C6orf52: variants seen among roughly 807,000 people sequenced by gnomAD.
C6orf52 encodes the protein chromosome 6 open reading frame 52, also known as putative uncharacterized protein C6orf52.
C6orf52 carries 16 observed loss-of-function variants against 16.6 expected under a neutral mutation model. That is an observed-to-expected ratio of 0.96 (90% confidence interval 0.65 to 1.46). The LOEUF is 1.46. Ranked by LOEUF, C6orf52 falls within the 40% of genes most tolerant of loss-of-function variation. The pLI is 0.00. For synonymous variants in C6orf52, 53 were observed against 61.4 expected (o/e 0.86, Z 0.64); for missense variants, 166 against 182.3 (o/e 0.91, Z 0.52).
At position 10,687,475 on chromosome 6, in the gene C6orf52, C is replaced by G; in HGVS notation, c.71+5G>C. ...TCCTTTTCAAAGTAGGAGAAAACCACTCACCTTTGCCAGTAGCAGTAATAG... is the reference window on the plus strand; with the variant it reads ...TCCTTTTCAAAGTAGGAGAAAACCAGTCACCTTTGCCAGTAGCAGTAATAG... On this transcript the variant is annotated splice_donor_5th_base_variant and intron_variant, in intron 2 of 4. Transcript: ENST00000259983. 5 of 1,539,550 alleles carry G rather than the reference C, an allele frequency of 3.2e-6. No homozygotes were observed. The highest frequency in any genetic ancestry group is 4.4e-6 in the Non-Finnish European group (5 of 1,136,810).
chr6:10,682,082 G>A (rs1768447196), intron 4 of C6orf52, among the ~76,000 whole-genome samples: 1 of 152,128 alleles, frequency 6.6e-6, no homozygotes, highest in African/African-American at 2.4e-5. Flanking sequence ...CAATTTGTGA[G>A]GTGGAAACCT....
At chr6:10,673,485 G>C (rs913927113) in intron 4 of C6orf52, among the ~76,000 whole-genome samples, 4 of 152,220 alleles carry the variant, frequency 2.6e-5, no homozygotes, top group Admixed American at 6.5e-5. Context: ...GAGATGTGAT[G>C]TAAGGATAAA....
At chr6:10,688,052 A>C (rs1008109553) in intron 1 of C6orf52, among the ~76,000 whole-genome samples, 1 of 152,172 alleles carries the variant, frequency 6.6e-6, no homozygotes, top group African/African-American at 2.4e-5. Flanking sequence ...AATTCCACGC[A>C]GGTTGAAAGC....
intron 4 of C6orf52, among the ~76,000 whole-genome samples, chr6:10,677,915 T>A (rs9461032): frequency 0.027 from 4,102 of 152,002 alleles, 176 homozygotes; most frequent in African/African-American, 0.09. Flanking sequence ...TAGTGGCTCA[T>A]GCCTGTAATC....
Position 10,694,601 on chromosome 6 carries a change from C to G in C6orf52, c.-119G>C. ...CGCTGCCGGCGCTACAGCCCCTAAG[C>G]AACCGGCCGGAAGTCGGCCCCACCT... On this transcript the variant is annotated 5_prime_UTR_variant, in exon 1 of 5. Coordinates refer to ENST00000259983, the MANE Select transcript of C6orf52 (RefSeq NM_001145020.3). The G allele has an allele frequency of 5.7e-5, 10 of 175,882 alleles. No homozygotes were observed. Among genetic ancestry groups the G allele is most frequent in the South Asian group, 4.4e-4 (4 of 9,074 alleles). 10.9% of individuals were successfully genotyped at this position (175,882 alleles called of 1,614,324 possible).
Position 10,694,589 on chromosome 6 carries a change from A to ATG in C6orf52, c.-108_-107insCA. 1.1e-5 allele frequency: 2 copies of ATG among 178,140 alleles called. No individual in the cohort carries two copies. The highest frequency in any genetic ancestry group is 9.8e-5 in the South Asian group (1 of 10,156). The allele number at this position is 178,140 out of a possible 1,614,324, so 11.0% of individuals were successfully genotyped here. A position where few individuals can be genotyped will look rare whatever the true frequency, so the allele number is the denominator to read the frequency against. ...CACAACAATGCACGCTGCCGGCGCT[A>ATG]CAGCCCCTAAGCAACCGGCCGGAAG... On this transcript the variant is annotated 5_prime_UTR_variant, in exon 1 of 5. Transcript: ENST00000259983.
intron 1 of C6orf52, among the ~76,000 whole-genome samples, chr6:10,693,734 CTTT>C (rs368455566): frequency 0.016 from 2,429 of 151,736 alleles, 46 homozygotes; most frequent in African/African-American, 0.045. Context: ...TTAAATAAAA[CTTT>C]TTTTTTCTTT....
At chr6:10,676,523 A>G (rs917397179) in intron 4 of C6orf52, among the ~76,000 whole-genome samples, 3 of 152,246 alleles carry the variant, frequency 2.0e-5, no homozygotes, top group African/African-American at 7.2e-5. Context: ...AGGCATGTTC[A>G]AAATGGCGGC....
intron 1 of C6orf52, among the ~76,000 whole-genome samples, chr6:10,690,416 C>T (rs928318119): frequency 2.0e-4 from 31 of 152,216 alleles, no homozygotes; most frequent in African/African-American, 7.2e-4. Context: ...GAGACCAAAA[C>T]CCCCAGGAAT....
At chr6:10,686,816 A>G (rs1768902633) in intron 3 of C6orf52, 150 bp downstream of exon 3, 1 of 595,212 alleles carries the variant, frequency 1.7e-6, no homozygotes, top group African/African-American at 1.9e-5. Flanking sequence ...TTCTTAGGCT[A>G]TCAGCTTTAC....
chr6:10,688,943 C>T (rs1426954994), intron 1 of C6orf52, among the ~76,000 whole-genome samples: 2 of 152,226 alleles, frequency 1.3e-5, no homozygotes, highest in South Asian at 4.1e-4. Context: ...TCCCCAGTAG[C>T]TGGGATTACA....
At chr6:10,688,192 T>C (rs1481436244) in intron 1 of C6orf52, among the ~76,000 whole-genome samples, 1 of 150,572 alleles carries the variant, frequency 6.6e-6, no homozygotes, top group Non-Finnish European at 1.5e-5. Flanking sequence ...AATATTTCTC[T>C]GGTTCAGTTT....
chr6:10,694,617 GGCCCCACCT>G, upstream of C6orf52: 73 of 198,860 alleles, frequency 3.7e-4, no homozygotes, highest in South Asian at 1.5e-3. Flanking sequence ...GCCGGAAGTC[GGCCCCACCT>G]CCTCCTGATG....
chr6:10,676,449 A>G (rs1433991089), intron 4 of C6orf52, among the ~76,000 whole-genome samples: 1 of 152,246 alleles, frequency 6.6e-6, no homozygotes, highest in East Asian at 1.9e-4. Flanking sequence ...CAGACAAGCA[A>G]GCTAGAAGCT....
chr6:10,691,887 C>A (rs571063990), intron 1 of C6orf52, among the ~76,000 whole-genome samples: 2 of 152,128 alleles, frequency 1.3e-5, no homozygotes, highest in East Asian at 3.9e-4. Flanking sequence ...ATGGTGCTTA[C>A]ACCATGGTTT....
chr6:10,689,347 G>A (rs1470887544), intron 1 of C6orf52, among the ~76,000 whole-genome samples: 1 of 152,360 alleles, frequency 6.6e-6, no homozygotes, highest in South Asian at 2.1e-4. Context: ...GATGGTATCC[G>A]CAAGGCAGGG....
chr6:10,693,730 A>G (rs1022682512), intron 1 of C6orf52, among the ~76,000 whole-genome samples: 7 of 151,886 alleles, frequency 4.6e-5, no homozygotes, highest in Non-Finnish European at 8.8e-5. Context: ...CTTATTAAAT[A>G]AAACTTTTTT....
intron 4 of C6orf52, among the ~76,000 whole-genome samples, chr6:10,673,796 G>C (rs910078735): frequency 1.3e-5 from 2 of 152,074 alleles, no homozygotes; most frequent in Non-Finnish European, 2.9e-5. Context: ...TGAAGGTAAT[G>C]TCTGAATAGC....
At chr6:10,693,065 G>C (rs991857214) in intron 1 of C6orf52, among the ~76,000 whole-genome samples, 1 of 152,140 alleles carries the variant, frequency 6.6e-6, no homozygotes, top group African/African-American at 2.4e-5. Context: ...CTTGCTTTGT[G>C]CTAATAACTC....
Sources: allele counts gnomAD v4.1 joint callset (sites outside exome capture counted in the v4.1 genomes callset), GRCh38; gene constraint gnomAD v4.1.1; transcripts MANE v1.5; gene names NCBI Gene and HGNC (gene_info 2026-07-23, HGNC 2026-07-21).